Variants in PTPRN2 observed in about 807,000 individuals in gnomAD.
PTPRN2 encodes protein tyrosine phosphatase receptor type N2, also known as receptor-type tyrosine-protein phosphatase N2.
A neutral mutation model predicts 118.8 loss-of-function variants in PTPRN2; 74 were observed. The ratio of observed to expected loss-of-function variants is 0.62; its 90% CI spans 0.52 to 0.76. The LOEUF (loss-of-function observed/expected upper bound fraction) is 0.76. PTPRN2 is among the 30% of genes least tolerant of loss of function. The probability of loss-of-function intolerance (pLI) is 0.00; values close to 1 mark genes in which losing one functional copy is unlikely to be tolerated. For synonymous variants in PTPRN2, 641 were observed against 608.0 expected, an observed-to-expected ratio of 1.05 and a Z score of -0.80; for missense variants, 1,481 against 1,394.4, an observed-to-expected ratio of 1.06 and a Z score of -0.99.
At chr7:157,614,970 T>C (rs574361779) in intron 15 of PTPRN2, among the ~76,000 whole-genome samples, 3 of 152,216 alleles carry the variant, frequency 2.0e-5, no homozygotes, top group African/African-American at 7.2e-5. Context: ...CACTGAGGGA[T>C]TGTTGTTAAT....
At chr7:157,661,506 T>C (rs1795889924) in intron 13 of PTPRN2, among the ~76,000 whole-genome samples, 1 of 152,228 alleles carries the variant, frequency 6.6e-6, no homozygotes, top group Non-Finnish European at 1.5e-5. Flanking sequence ...TGCTCCGCTC[T>C]GAACCCACCG....
In PTPRN2 at chr7:158,152,534, C is replaced by G. The variant is rs58816592; in HGVS notation, c.911-14019G>C. ...AGTGCTGGGAAGGGGAGAGCTGGTCCCTTTAAATGATATAGAAGTGTGAAG... is the reference window on the plus strand; with the variant it reads ...AGTGCTGGGAAGGGGAGAGCTGGTCGCTTTAAATGATATAGAAGTGTGAAG... On this transcript the variant is annotated intron_variant, in intron 6 of 22. Coordinates refer to ENST00000389418, the MANE Select transcript of PTPRN2 (RefSeq NM_002847.5). Among the ~76,000 whole-genome samples the G allele has an allele frequency of 5.0e-3, 766 of 152,304 alleles. 8 individuals are homozygous for G. Among genetic ancestry groups the G allele is most frequent in the African/African-American group, 0.017 (715 of 41,562 alleles).
intron 6 of PTPRN2, among the ~76,000 whole-genome samples, chr7:158,147,558 C>T (rs1236996856): frequency 5.0e-5 from 7 of 139,516 alleles, no homozygotes; most frequent in African/African-American, 1.6e-4. Flanking sequence ...GTCATTCCCC[C>T]TCACTGACAC....
In PTPRN2 at chr7:157,671,444, CG is replaced by C. The variant is rs913080326; in HGVS notation, c.2001+11280del. Reference sequence around the variant, plus strand: ...GTGTTCGGGATGGGACGGGCCACCCCGGGCTGAGATGGAAGCTCAGGGGACG... The same window carrying C: ...GTGTTCGGGATGGGACGGGCCACCCCGGCTGAGATGGAAGCTCAGGGGACG... On this transcript the variant is annotated intron_variant, in intron 13 of 22. Coordinates refer to ENST00000389418, the MANE Select transcript of PTPRN2 (RefSeq NM_002847.5). The surrounding 1 kb of genome is among the most constrained non-coding windows in gnomAD (Gnocchi z 4.1). 6.6e-6 allele frequency among the ~76,000 whole-genome samples: 1 copy of C among 152,032 alleles called. No individual in the cohort carries two copies. The highest frequency in any genetic ancestry group is 1.5e-5 in the Non-Finnish European group (1 of 68,000).
rs1206609797 is a variant in PTPRN2, at chr7:157,560,645, G to T, written c.2902+8257C>A. ...AAATAAACAACACACAGCAGAGGAGGCCCTGCTCCTGCCCGACCGAAGGCA... is the reference window on the plus strand; with the variant it reads ...AAATAAACAACACACAGCAGAGGAGTCCCTGCTCCTGCCCGACCGAAGGCA... On this transcript the variant is annotated intron_variant, in intron 21 of 22. Transcript: ENST00000389418. This position sits in a 1 kb window ranked among gnomAD's most constrained non-coding sequence, Gnocchi z 6.7. 1.3e-5 allele frequency among the ~76,000 whole-genome samples: 2 copies of T among 152,148 alleles called. No homozygotes were observed. Among genetic ancestry groups the T allele is most frequent in the Non-Finnish European group, 2.9e-5 (2 of 68,012 alleles).
intron 1 of PTPRN2, among the ~76,000 whole-genome samples, chr7:158,586,329 T>G (rs1446687252): frequency 6.6e-6 from 1 of 152,136 alleles, no homozygotes; most frequent in Non-Finnish European, 1.5e-5. Context: ...AGTTTTTGTT[T>G]GTTTGGGATT....
intron 12 of PTPRN2, among the ~76,000 whole-genome samples, chr7:157,771,506 C>T (rs565637279): frequency 5.9e-4 from 90 of 152,334 alleles, no homozygotes; most frequent in South Asian, 4.6e-3. Context: ...CACCATGTCA[C>T]GGGTGCAGAG....
intron 6 of PTPRN2, among the ~76,000 whole-genome samples, chr7:158,165,252 A>T (rs1822850986): frequency 6.6e-6 from 1 of 152,010 alleles, no homozygotes; most frequent in African/African-American, 2.4e-5. Flanking sequence ...CAGGACCATC[A>T]AGGAAAGGGG....
chr7:158,149,755 G>T (rs1385208264), intron 6 of PTPRN2, among the ~76,000 whole-genome samples: 1 of 149,886 alleles, frequency 6.7e-6, no homozygotes, highest in Admixed American at 6.7e-5. Context: ...GGTGAGCTGA[G>T]ATTGTGCCAT....
intron 1 of PTPRN2, among the ~76,000 whole-genome samples, chr7:158,491,902 G>A (rs984527876): frequency 4.6e-5 from 7 of 152,186 alleles, no homozygotes; most frequent in Admixed American, 1.3e-4. Flanking sequence ...GGAGGTGAAC[G>A]GCCTACAGGA....
intron 2 of PTPRN2, among the ~76,000 whole-genome samples, chr7:158,452,872 A>T (rs1320058241): frequency 1.3e-5 from 2 of 152,192 alleles, no homozygotes; most frequent in African/African-American, 2.4e-5. Flanking sequence ...CCAGAGTAAC[A>T]CGGGGTCTTA....
rs1049325 is a variant in PTPRN2, at chr7:157,539,208, G to C, written c.*1506C>G. 7 of 152,096 alleles carry C rather than the reference G, an allele frequency of 4.6e-5. 1 individual carries two copies. The highest frequency in any genetic ancestry group is 1.5e-5 in the Non-Finnish European group (1 of 68,022). The allele number at this position is 152,096 out of a possible 1,614,324, so 9.4% of individuals were successfully genotyped here. On this transcript the variant is annotated 3_prime_UTR_variant, in exon 23 of 23. Transcript: ENST00000389418. ...ATTTCGATTAATTAAATTCCAGATA[G>C]AGAGAAGTAATTTTGGAAAAGAAAT...
intron 1 of PTPRN2, among the ~76,000 whole-genome samples, chr7:158,583,403 C>G (rs865807958): frequency 3.3e-5 from 5 of 152,236 alleles, no homozygotes; most frequent in Middle Eastern, 3.4e-3. Flanking sequence ...CGCTGTGCAC[C>G]ATGATGGGGC....
At chr7:158,456,269 G>A (rs1001245909) in intron 2 of PTPRN2, among the ~76,000 whole-genome samples, 10 of 146,820 alleles carry the variant, frequency 6.8e-5, no homozygotes, top group East Asian at 2.0e-4. Context: ...CATCGGCCAC[G>A]GCCCCCCATT....
intron 11 of PTPRN2, among the ~76,000 whole-genome samples, chr7:158,071,429 G>T (rs1319374602): frequency 7.3e-5 from 8 of 109,340 alleles, no homozygotes; most frequent in African/African-American, 2.5e-4. Context: ...TGGTGGAGGT[G>T]CTCGTGGTGG....
intron 1 of PTPRN2, among the ~76,000 whole-genome samples, chr7:158,503,179 A>G (rs201193902): frequency 3.6e-5 from 5 of 140,492 alleles, no homozygotes; most frequent in African/African-American, 5.3e-5. Flanking sequence ...GTGTCCATCA[A>G]CTACTGTGTC....
intron 21 of PTPRN2, among the ~76,000 whole-genome samples, chr7:157,565,815 G>C (rs533369120): frequency 1.3e-5 from 2 of 152,114 alleles, no homozygotes; most frequent in South Asian, 4.2e-4. Flanking sequence ...AATGAGAGAG[G>C]AACAGGCTAC....
chr7:157,945,862 A>C (rs1401644189), intron 11 of PTPRN2, among the ~76,000 whole-genome samples: 1 of 152,216 alleles, frequency 6.6e-6, no homozygotes, highest in South Asian at 2.1e-4. Context: ...TTGTCCCATC[A>C]GACGACGGGT....
chr7:157,729,310 C>T lies in PTPRN2; in HGVS notation c.1789-46373G>A, dbSNP rs551276698. ...AGGCAGGTGGGAACCCATGAGCTGT[C>T]TTGAGCACAGTGGCTGGAGTCTGTG... On this transcript the variant is annotated intron_variant, in intron 12 of 22. Coordinates refer to ENST00000389418, the MANE Select transcript of PTPRN2 (RefSeq NM_002847.5). This position sits in a 1 kb window ranked among gnomAD's most constrained non-coding sequence, Gnocchi z 4.3. Among the ~76,000 whole-genome samples the T allele has an allele frequency of 6.6e-6, 1 of 152,262 alleles. No homozygotes were observed. Among genetic ancestry groups the T allele is most frequent in the East Asian group, 1.9e-4 (1 of 5,176 alleles).
Sources: gnomAD v4.1 joint callset for allele counts (sites outside exome capture counted in the v4.1 genomes callset) on GRCh38, gnomAD v4.1.1 for gene constraint, Gnocchi (gnomAD v3.1) non-coding constraint, MANE v1.5 for transcripts, NCBI Gene and HGNC (gene_info 2026-07-23, HGNC 2026-07-21) for gene names.